The following CEP85L variants were observed in gnomAD, a reference collection of about 807,000 sequenced individuals.
CEP85L encodes the protein centrosomal protein of 85 kDa-like.
Under a neutral mutation model 100.3 loss-of-function variants are expected in CEP85L, and 60 were observed. The ratio of observed to expected loss-of-function variants is 0.60; its 90% CI spans 0.49 to 0.74. The LOEUF is 0.74. CEP85L is among the 30% of genes least tolerant of loss of function. The pLI is 0.00. For synonymous variants in CEP85L, 319 were observed against 322.7 expected (o/e 0.99, Z 0.12); for missense variants, 973 against 936.2 (o/e 1.04, Z -0.51).
At chr6:118,633,347 G>A (rs1774294265) in intron 1 of CEP85L, among the ~76,000 whole-genome samples, 1 of 151,688 alleles carries the variant, frequency 6.6e-6, no homozygotes, top group African/African-American at 2.4e-5. Flanking sequence ...TGAGACTACA[G>A]GTGCCCACCA....
chr6:118,549,377 A>G (rs1195618443), intron 3 of CEP85L, among the ~76,000 whole-genome samples: 3 of 151,770 alleles, frequency 2.0e-5, no homozygotes, highest in Non-Finnish European at 3.0e-5. Flanking sequence ...TTATGTTACA[A>G]TCCTCAATTT....
intron 2 of CEP85L, among the ~76,000 whole-genome samples, chr6:118,590,814 G>A (rs138754580): frequency 3.9e-5 from 6 of 152,278 alleles, no homozygotes; most frequent in Non-Finnish European, 8.8e-5. Context: ...TGTGACTACT[G>A]AGGCCAGTTC....
chr6:118,631,735 A>T lies in CEP85L; in HGVS notation c.232+718T>A, dbSNP rs192031389. On this transcript the variant is annotated intron_variant, in intron 2 of 12. Coordinates refer to ENST00000368491, the MANE Select transcript of CEP85L (RefSeq NM_001042475.3). ...ATTCCAGTTATGATTCCATTTATAA[A>T]GTATTCTTGAAAAACAAAACTATAG... is the stretch of plus-strand genomic sequence containing the variant. 9.3e-4 allele frequency among the ~76,000 whole-genome samples: 141 copies of T among 152,328 alleles called. 1 individual carries two copies. The highest frequency in any genetic ancestry group is 8.2e-3 in the Admixed American group (125 of 15,298).
chr6:118,672,954 A>G (rs551324740), intron 1 of CEP85L, among the ~76,000 whole-genome samples: 2 of 152,278 alleles, frequency 1.3e-5, no homozygotes, highest in South Asian at 2.1e-4. Flanking sequence ...TACAAAGACA[A>G]CTTGGTTTCC....
chr6:118,487,593 C>T (rs900440059), intron 6 of CEP85L, among the ~76,000 whole-genome samples: 11 of 152,304 alleles, frequency 7.2e-5, no homozygotes, highest in African/African-American at 2.6e-4. Flanking sequence ...ATCCTACCCC[C>T]AATACAGCAT....
intron 2 of CEP85L, among the ~76,000 whole-genome samples, chr6:118,595,764 CAAT>C (rs1404178649): frequency 6.6e-6 from 1 of 152,100 alleles, no homozygotes; most frequent in Non-Finnish European, 1.5e-5. Flanking sequence ...GAGGTTTTTA[CAAT>C]AATCAGTCTT....
At chr6:118,496,264 T>C (rs1332990346) in intron 5 of CEP85L, among the ~76,000 whole-genome samples, 1 of 152,182 alleles carries the variant, frequency 6.6e-6, no homozygotes, top group East Asian at 1.9e-4. Flanking sequence ...AACCCACATC[T>C]GATGGTGCAG....
chr6:118,567,231 GTGTGTGTGTGTGTGTGTGTATATA>G (rs1249790216), intron 2 of CEP85L, among the ~76,000 whole-genome samples: 69 of 81,952 alleles, frequency 8.4e-4, no homozygotes, highest in African/African-American at 6.2e-4. Context: ...GTGTGTGTGT[GTGTGTGTGTGTGTGTGTGTATATA>G]TATATATATA....
At chr6:118,499,951 T>C (rs1484301700) in intron 5 of CEP85L, among the ~76,000 whole-genome samples, 1 of 151,998 alleles carries the variant, frequency 6.6e-6, no homozygotes, top group Non-Finnish European at 1.5e-5. Flanking sequence ...AATAAAACCA[T>C]CATTGTTCAC....
intron 2 of CEP85L, chr6:118,589,174 A>C: frequency 8.0e-6 from 2 of 249,888 alleles, no homozygotes; most frequent in Non-Finnish European, 1.8e-5. Flanking sequence ...TATCTAATAA[A>C]GAGTGGGGAA....
chr6:118,475,347 A>ATATCTTTT (rs1470175603), intron 10 of CEP85L, among the ~76,000 whole-genome samples: 1 of 79,038 alleles, frequency 1.3e-5, no homozygotes, highest in Non-Finnish European at 2.8e-5. Context: ...TGTAGGTGAC[A>ATATCTTTT]TTTTTTTTTT....
At chr6:118,553,379 G>A (rs1470537807) in intron 3 of CEP85L, among the ~76,000 whole-genome samples, 1 of 152,134 alleles carries the variant, frequency 6.6e-6, no homozygotes, top group African/African-American at 2.4e-5. Context: ...AATTCTCAAT[G>A]TATGACAGGA....
At chr6:118,625,244 C>T (rs969938106) in intron 2 of CEP85L, among the ~76,000 whole-genome samples, 6 of 152,216 alleles carry the variant, frequency 3.9e-5, no homozygotes, top group East Asian at 3.8e-4. Flanking sequence ...CTTTTTCATC[C>T]GTGCTAACAT....
chr6:118,631,403 T>C lies in CEP85L; in HGVS notation c.232+1050A>G, dbSNP rs547052458. Among the ~76,000 whole-genome samples, 31 of 152,310 alleles carry C rather than the reference T, an allele frequency of 2.0e-4. No individual in the cohort carries two copies. The South Asian group carries it at 6.0e-3, about 30-fold the overall frequency. ...AAATGGTACAGTCACTCTAGAAAAC[T>C]GTGTGGCAGTTTCTTTAAAATCTAA... is the stretch of plus-strand genomic sequence containing the variant. On this transcript the variant is annotated intron_variant, in intron 2 of 12. Transcript: ENST00000368491.
chr6:118,491,607 G>C, intron 6 of CEP85L, 79 bp downstream of exon 6: 1 of 1,533,078 alleles, frequency 6.5e-7, no homozygotes, highest in Non-Finnish European at 8.8e-7. Context: ...CATGACACCT[G>C]ACAGGGTAAA....
intron 5 of CEP85L, 93 bp downstream of exon 5, chr6:118,511,203 TAA>T: frequency 1.3e-6 from 1 of 780,416 alleles, no homozygotes; most frequent in Non-Finnish European, 2.2e-6. Flanking sequence ...AATACATTAT[TAA>T]GTTGATTTAA....
chr6:118,468,022 G>C (rs949616485), intron 12 of CEP85L, among the ~76,000 whole-genome samples: 1 of 152,184 alleles, frequency 6.6e-6, no homozygotes, highest in Non-Finnish European at 1.5e-5. Flanking sequence ...CACTTACTTA[G>C]TGTCTGGACC....
intron 2 of CEP85L, among the ~76,000 whole-genome samples, chr6:118,628,640 AC>A (rs1773954594): frequency 7.2e-5 from 1 of 13,978 alleles, no homozygotes; most frequent in Non-Finnish European, 2.4e-4. Flanking sequence ...ATCCAAAAAA[AC>A]AAACAAACAA....
chr6:118,709,368 T>C (rs1583279464), intron 1 of CEP85L, among the ~76,000 whole-genome samples: 1 of 151,890 alleles, frequency 6.6e-6, no homozygotes, highest in South Asian at 2.1e-4. Flanking sequence ...CAAACAGGAG[T>C]TGAGTGTGTA....
Sources: gnomAD v4.1 joint callset for allele counts (sites outside exome capture counted in the v4.1 genomes callset) on GRCh38, gnomAD v4.1.1 for gene constraint, MANE v1.5 for transcripts, NCBI Gene and HGNC (gene_info 2026-07-23, HGNC 2026-07-21) for gene names.